The following MFAP3L variants were observed in gnomAD, a reference collection of about 807,000 sequenced individuals.
The protein encoded by MFAP3L is microfibril associated protein 3 like, also known as microfibrillar-associated protein 3-like.
A neutral mutation model predicts 20.0 loss-of-function variants in MFAP3L; 5 were observed. That is an observed-to-expected ratio of 0.25 (90% CI 0.13 to 0.53). MFAP3L has a LOEUF of 0.53. MFAP3L is among the 20% of genes least tolerant of loss of function. The pLI is 0.96. For missense variants in MFAP3L, 409 were observed against 527.5 expected (o/e 0.78, Z 2.20); for synonymous variants, 219 against 213.0 (o/e 1.03, Z -0.25).
intron 1 of MFAP3L, 100 bp from the exon 2 acceptor site, chr4:170,006,110 A>C: frequency 3.7e-5 from 33 of 895,446 alleles, no homozygotes; most frequent in South Asian, 5.3e-5. Flanking sequence ...ACAAACATCA[A>C]CATACTTTTT....
intron 1 of MFAP3L, among the ~76,000 whole-genome samples, chr4:170,016,357 A>C (rs934284676): frequency 9.9e-5 from 15 of 152,270 alleles, no homozygotes; most frequent in African/African-American, 3.1e-4. Flanking sequence ...TAATCCTGAA[A>C]TGGGTAAACC....
At position 169,989,861 on chromosome 4, in the gene MFAP3L, G is replaced by A. The variant is rs1431902691; in HGVS notation, c.*1517C>T. ...TCTTAATTGCAGATGTGGTCCTAAT[G>A]GTTTTTTTGGAAGGAGAAGATCCAC... On this transcript the variant is annotated 3_prime_UTR_variant, in exon 3 of 3. Transcript: ENST00000361618. 1 of 152,254 alleles carries A rather than the reference G, an allele frequency of 6.6e-6. No homozygotes were observed. Among genetic ancestry groups the A allele is most frequent in the East Asian group, 1.9e-4 (1 of 5,186 alleles). The allele number at this position is 152,254 out of a possible 1,614,324, so 9.4% of individuals were successfully genotyped here.
At chr4:170,017,703 T>C (rs1739787215) in intron 1 of MFAP3L, among the ~76,000 whole-genome samples, 1 of 152,250 alleles carries the variant, frequency 6.6e-6, no homozygotes, top group Admixed American at 6.5e-5. Context: ...ATAATCTTCC[T>C]GACTTTAGTG....
At chr4:170,021,656 G>A (rs1344792797) in intron 1 of MFAP3L, among the ~76,000 whole-genome samples, 1 of 152,142 alleles carries the variant, frequency 6.6e-6, no homozygotes, top group Admixed American at 6.5e-5. Context: ...CACTAAGATA[G>A]AAGAATCCTT....
At position 169,991,188 on chromosome 4, in the gene MFAP3L, G is replaced by C; in HGVS notation, c.*190C>G. On this transcript the variant is annotated 3_prime_UTR_variant, in exon 3 of 3. Coordinates refer to ENST00000361618, the MANE Select transcript of MFAP3L (RefSeq NM_021647.8). The surrounding 1 kb of genome is among the most constrained non-coding windows in gnomAD (Gnocchi z 4.9). ...TCAATTCTGCACCCTGATGTTTCTC[G>C]CACCCTTCTCTACTGGGGAAATTCC... The C allele has an allele frequency of 1.6e-6, 1 of 616,528 alleles. No individual in the cohort carries two copies. Among genetic ancestry groups the C allele is most frequent in the African/African-American group, 1.8e-5 (1 of 54,266 alleles). The allele number at this position is 616,528 out of a possible 1,614,324, so 38.2% of individuals were successfully genotyped here.
intron 2 of MFAP3L, among the ~76,000 whole-genome samples, chr4:169,998,137 C>A (rs993173693): frequency 1.3e-5 from 2 of 152,210 alleles, no homozygotes; most frequent in Non-Finnish European, 1.5e-5. Context: ...GGTTCCACAC[C>A]GGGAAGGCAG....
At chr4:170,011,896 A>C (rs1299230880) in intron 1 of MFAP3L, among the ~76,000 whole-genome samples, 1 of 152,222 alleles carries the variant, frequency 6.6e-6, no homozygotes, top group Non-Finnish European at 1.5e-5. Context: ...AAGCTGACCC[A>C]AAAGAGGAAT....
chr4:170,005,833 A>G lies in MFAP3L; in HGVS notation c.45T>C (p.Ser15=). The change falls in exon 2 of 3, where the codon TCT becomes TCC. Residue 15 remains serine, a synonymous_variant. Coordinates refer to ENST00000361618, the MANE Select transcript of MFAP3L (RefSeq NM_021647.8). The part of the protein sequence containing the change: ...KSHLTVCFLP[S]VPFLILVSTL... ...TGGATACTAGGATTAAAAAGGGCAC[A>G]GAAGGTAGAAAGCACACAGTCAGAT... 1 of 1,614,204 alleles carries G rather than the reference A, an allele frequency of 6.2e-7. No homozygotes were observed. Among genetic ancestry groups the G allele is most frequent in the Non-Finnish European group, 8.5e-7 (1 of 1,180,040 alleles).
At chr4:170,002,712 G>A (rs773638509) in intron 2 of MFAP3L, among the ~76,000 whole-genome samples, 4 of 151,896 alleles carry the variant, frequency 2.6e-5, no homozygotes, top group Non-Finnish European at 5.9e-5. Flanking sequence ...GTTTCACCAT[G>A]TTGGCCAGGA....
rs1321446607 is a variant in MFAP3L at position 169,992,531 on chromosome 4, A to G, written c.299-222T>C. 6.6e-6 allele frequency among the ~76,000 whole-genome samples: 1 copy of G among 152,226 alleles called. No individual in the cohort carries two copies. The highest frequency in any genetic ancestry group is 1.5e-5 in the Non-Finnish European group (1 of 68,048). ...TGGCCCCTGACACTGCCTCCGTTTT[A>G]CAGGATGAGGAAACTGAGGCACAGT... is the stretch of plus-strand genomic sequence containing the variant. On this transcript the variant is annotated intron_variant, in intron 2 of 2. Coordinates refer to ENST00000361618, the MANE Select transcript of MFAP3L (RefSeq NM_021647.8). This position sits in a 1 kb window ranked among gnomAD's most constrained non-coding sequence, Gnocchi z 4.3.
At chr4:170,000,315 C>A (rs1260863999) in intron 2 of MFAP3L, among the ~76,000 whole-genome samples, 1 of 152,134 alleles carries the variant, frequency 6.6e-6, no homozygotes, top group Non-Finnish European at 1.5e-5. Flanking sequence ...TTTGCATTTG[C>A]TGAGTTTTGG....
chr4:170,017,047 T>G (rs1739743438), intron 1 of MFAP3L, among the ~76,000 whole-genome samples: 1 of 152,216 alleles, frequency 6.6e-6, no homozygotes. Flanking sequence ...TCTGTGGTTG[T>G]TTGATTAAGA....
intron 1 of MFAP3L, among the ~76,000 whole-genome samples, chr4:170,020,180 T>C (rs959214250): frequency 2.6e-5 from 4 of 152,222 alleles, no homozygotes; most frequent in Admixed American, 2.0e-4. Context: ...GGAAGACCCC[T>C]GAGAGATGCT....
At position 169,991,039 on chromosome 4, in the gene MFAP3L, G is replaced by T. The variant is rs1166849958; in HGVS notation, c.*339C>A. ...AAAGCAATGCAGGGGGCACTGGACA[G>T]GGTTCTTGAACTCAGAATATCTTAC... On this transcript the variant is annotated 3_prime_UTR_variant, in exon 3 of 3. Coordinates refer to ENST00000361618, the MANE Select transcript of MFAP3L (RefSeq NM_021647.8). This position sits in a 1 kb window ranked among gnomAD's most constrained non-coding sequence, Gnocchi z 4.9. The T allele has an allele frequency of 7.0e-6, 2 of 287,270 alleles. No homozygotes were observed. The highest frequency in any genetic ancestry group is 1.3e-5 in the Non-Finnish European group (2 of 153,588). 17.8% of individuals were successfully genotyped at this position (287,270 alleles called of 1,614,324 possible).
At chr4:169,997,715 C>T in intron 2 of MFAP3L, 1 of 985,186 alleles carries the variant, frequency 1.0e-6, no homozygotes, top group East Asian at 1.1e-4. Flanking sequence ...AGGGGCAGGC[C>T]CGGTAGCTCA....
intron 1 of MFAP3L, among the ~76,000 whole-genome samples, chr4:170,015,476 G>A (rs1176868601): frequency 3.3e-5 from 5 of 152,344 alleles, no homozygotes; most frequent in East Asian, 3.9e-4. Context: ...TTTGTGACTT[G>A]GCAGATGGCC....
Position 169,989,984 on chromosome 4 carries a change from T to C in MFAP3L, c.*1394A>G, listed in dbSNP as rs183632589. ...ACCAAGAGATGAAAGCAAAAATCTT[T>C]AAAGTCATTGTGAAAAGGAGCAAGG... On this transcript the variant is annotated 3_prime_UTR_variant, in exon 3 of 3. Transcript: ENST00000361618. 6.6e-6 allele frequency: 1 copy of C among 152,360 alleles called. No individual in the cohort carries two copies. Among genetic ancestry groups the C allele is most frequent in the Admixed American group, 6.5e-5 (1 of 15,304 alleles). 9.4% of individuals were successfully genotyped at this position (152,360 alleles called of 1,614,324 possible).
rs116621401 is a variant in MFAP3L, at chr4:169,990,898, T to C, written c.*480A>G. On this transcript the variant is annotated 3_prime_UTR_variant, in exon 3 of 3. Coordinates refer to ENST00000361618, the MANE Select transcript of MFAP3L (RefSeq NM_021647.8). The stretch of plus-strand genomic sequence containing the variant: ...GGACTAAACCAGAAAGAACAATTAG[T>C]ATTAATAACAATGACCCCATTATAA... The C allele has an allele frequency of 0.051, 8,094 of 159,476 alleles. 262 individuals carry two copies. The highest frequency in any genetic ancestry group is 0.11 in the Middle Eastern group (33 of 300). 9.9% of individuals were successfully genotyped at this position (159,476 alleles called of 1,614,324 possible).
chr4:170,009,718 C>T (rs538088373), intron 1 of MFAP3L, among the ~76,000 whole-genome samples: 1 of 152,158 alleles, frequency 6.6e-6, no homozygotes, highest in South Asian at 2.1e-4. Context: ...TTATTTTGAC[C>T]CCTTCCCTAC....
Sources: gnomAD v4.1 joint callset for allele counts (sites outside exome capture counted in the v4.1 genomes callset) on GRCh38, gnomAD v4.1.1 for gene constraint, Gnocchi (gnomAD v3.1) non-coding constraint, MANE v1.5 for transcripts, NCBI Gene and HGNC (gene_info 2026-07-23, HGNC 2026-07-21) for gene names.